Variants in TGFB2 observed in about 807,000 individuals in gnomAD.
TGFB2 encodes the protein transforming growth factor beta 2, also known as transforming growth factor beta-2 proprotein.
Under a neutral mutation model 42.7 loss-of-function variants are expected in TGFB2, and 13 were observed. That is an observed-to-expected ratio of 0.30 (90% confidence interval 0.20 to 0.48). TGFB2 has a LOEUF of 0.48. Among genes scored for constraint, TGFB2 ranks in the 20% least tolerant of loss-of-function variants. The pLI is 0.99. For synonymous variants in TGFB2, 193 were observed against 193.6 expected, an observed-to-expected ratio of 1.00 and a Z score of 0.03; for missense variants, 390 against 517.5, an observed-to-expected ratio of 0.75 and a Z score of 2.39.
chr1:218,384,750 C>G (rs1658075904), intron 1 of TGFB2, among the ~76,000 whole-genome samples: 1 of 152,176 alleles, frequency 6.6e-6, no homozygotes, highest in Non-Finnish European at 1.5e-5. Flanking sequence ...ATTCACACCC[C>G]TAGAGTCTCA....
chr1:218,397,292 G>A (rs969326542), intron 1 of TGFB2, among the ~76,000 whole-genome samples: 7 of 148,420 alleles, frequency 4.7e-5, no homozygotes, highest in East Asian at 2.0e-4. Context: ...GGCCGGGCGC[G>A]GTGGCTTATG....
At chr1:218,403,348 T>C (rs1658795374) in intron 1 of TGFB2, among the ~76,000 whole-genome samples, 1 of 152,046 alleles carries the variant, frequency 6.6e-6, no homozygotes, top group Admixed American at 6.6e-5. Flanking sequence ...GTGCTGAGAG[T>C]CACACATATA....
chr1:218,373,673 A>T (rs1431557255), intron 1 of TGFB2, among the ~76,000 whole-genome samples: 1 of 151,264 alleles, frequency 6.6e-6, no homozygotes, highest in Admixed American at 6.6e-5. Flanking sequence ...TCCAAAGCTC[A>T]TCCTATTCAT....
At chr1:218,351,344 G>A (rs776011316) in intron 1 of TGFB2, among the ~76,000 whole-genome samples, 8 of 152,106 alleles carry the variant, frequency 5.3e-5, no homozygotes, top group Admixed American at 1.3e-4. Flanking sequence ...AAAAGAGAGC[G>A]TATCAAAGAC....
intron 2 of TGFB2, among the ~76,000 whole-genome samples, chr1:218,421,942 C>A (rs547766543): frequency 6.6e-6 from 1 of 152,212 alleles, no homozygotes; most frequent in South Asian, 2.1e-4. Flanking sequence ...AAAGAAGGAT[C>A]CTCCCTGGAG....
intron 1 of TGFB2, among the ~76,000 whole-genome samples, chr1:218,353,739 A>G (rs929795146): frequency 6.6e-6 from 1 of 152,132 alleles, no homozygotes; most frequent in Non-Finnish European, 1.5e-5. Context: ...TCTACAGAGA[A>G]TTTAGTTGGG....
intron 2 of TGFB2, among the ~76,000 whole-genome samples, chr1:218,416,328 A>G (rs1322086597): frequency 6.6e-6 from 1 of 152,072 alleles, no homozygotes; most frequent in African/African-American, 2.4e-5. Flanking sequence ...CAGTATGCCA[A>G]CTATCCTGTA....
At chr1:218,429,627 G>C (rs1321052282) in intron 2 of TGFB2, among the ~76,000 whole-genome samples, 1 of 152,190 alleles carries the variant, frequency 6.6e-6, no homozygotes, top group Non-Finnish European at 1.5e-5. Flanking sequence ...GGAATTTCTG[G>C]ATCATGGGGT....
At chr1:218,410,850 C>G (rs1227657894) in intron 2 of TGFB2, among the ~76,000 whole-genome samples, 2 of 152,100 alleles carry the variant, frequency 1.3e-5, no homozygotes, top group African/African-American at 4.8e-5. Flanking sequence ...AAATCATGAC[C>G]AGAAGTATGA....
chr1:218,368,651 T>G (rs1287008920), intron 1 of TGFB2, among the ~76,000 whole-genome samples: 1 of 152,152 alleles, frequency 6.6e-6, no homozygotes. Context: ...GAGGTGTAAT[T>G]TTATATAAGC....
intron 1 of TGFB2, among the ~76,000 whole-genome samples, chr1:218,387,288 G>C (rs1043241941): frequency 3.3e-5 from 5 of 152,176 alleles, no homozygotes; most frequent in African/African-American, 9.7e-5. Flanking sequence ...AAGCTGGAAA[G>C]GGAGTTTGGG....
At chr1:218,399,186 G>A (rs1658629265) in intron 1 of TGFB2, among the ~76,000 whole-genome samples, 1 of 152,178 alleles carries the variant, frequency 6.6e-6, no homozygotes, top group African/African-American at 2.4e-5. Flanking sequence ...ACTGTGCCAG[G>A]CCTGAAACAA....
chr1:218,421,013 G>A (rs1436816480), intron 2 of TGFB2, among the ~76,000 whole-genome samples: 1 of 152,128 alleles, frequency 6.6e-6, no homozygotes, highest in Non-Finnish European at 1.5e-5. Context: ...GGTAAGTACT[G>A]GGTGTGTTAA....
At chr1:218,441,174 T>A (rs975302232) in intron 6 of TGFB2, 30 bp from the exon 7 acceptor site, 1 of 1,580,006 alleles carries the variant, frequency 6.3e-7, no homozygotes, top group Non-Finnish European at 8.6e-7. Flanking sequence ...TCTTTCCCTA[T>A]GTTGTCTCTC....
chr1:218,362,359 G>C (rs1657238764), intron 1 of TGFB2, among the ~76,000 whole-genome samples: 1 of 152,110 alleles, frequency 6.6e-6, no homozygotes. Flanking sequence ...AGGCAGTCAG[G>C]GCTTCTTTTG....
At chr1:218,418,749 A>C (rs1010666986) in intron 2 of TGFB2, among the ~76,000 whole-genome samples, 1 of 152,120 alleles carries the variant, frequency 6.6e-6, no homozygotes, top group Non-Finnish European at 1.5e-5. Flanking sequence ...GTAATCGTGA[A>C]TAAGTCTCAT....
chr1:218,375,381 CG>C (rs1657706530), intron 1 of TGFB2, among the ~76,000 whole-genome samples: 3 of 146,790 alleles, frequency 2.0e-5, no homozygotes, highest in African/African-American at 7.5e-5. Context: ...TGTGTAACAT[CG>C]AGAAAGTCAG....
chr1:218,415,694 C>CAAAAAAAAA lies in TGFB2; in HGVS notation c.510+10366_510+10367insAAAAAAAAA, dbSNP rs779476856. Among the ~76,000 whole-genome samples, 2 of 40,132 alleles carry CAAAAAAAAA rather than the reference C, an allele frequency of 5.0e-5. 1 individual carries two copies. The highest frequency in any genetic ancestry group is 2.2e-4 in the African/African-American group (2 of 8,896). The allele number at this position is 40,132 out of a possible 152,430, so 26.3% of individuals were successfully genotyped here. A position where few individuals can be genotyped will look rare whatever the true frequency, so the allele number is the denominator to read the frequency against. The stretch of plus-strand genomic sequence containing the variant: ...TGGGCGACAGAGCGAGACTCTGTCT[C>CAAAAAAAAA]AAAAGAAAAAAAAAAAAAAAAAAAA... On this transcript the variant is annotated intron_variant, in intron 2 of 6. Coordinates refer to ENST00000366930, the MANE Select transcript of TGFB2 (RefSeq NM_003238.6).
chr1:218,377,070 A>AG (rs201306545), intron 1 of TGFB2, among the ~76,000 whole-genome samples: 1,783 of 152,190 alleles, frequency 0.012, 33 homozygotes, highest in East Asian at 0.087. Context: ...ATTTAAAAAA[A>AG]AAAATTTTTA....
Sources: gnomAD v4.1 joint callset for allele counts (sites outside exome capture counted in the v4.1 genomes callset) on GRCh38, gnomAD v4.1.1 for gene constraint, MANE v1.5 for transcripts, NCBI Gene and HGNC (gene_info 2026-07-23, HGNC 2026-07-21) for gene names.